GMDS: variants seen among roughly 807,000 people sequenced by gnomAD.
GMDS encodes the protein GDP-mannose 4,6-dehydratase, also known as GDP-mannose 4,6 dehydratase.
GMDS carries 20 observed loss-of-function variants against 49.9 expected under a neutral mutation model. The ratio of observed to expected loss-of-function variants is 0.40; its 90% CI spans 0.28 to 0.58. The LOEUF (loss-of-function observed/expected upper bound fraction) is 0.58, where lower values mean the gene tolerates loss of function less well. Ranked by LOEUF, GMDS falls within the 20% of genes least tolerant of loss-of-function variation. GMDS has a pLI of 0.42. For synonymous variants in GMDS, 177 were observed against 178.6 expected, an observed-to-expected ratio of 0.99 and a Z score of 0.07; for missense variants, 362 against 481.4, an observed-to-expected ratio of 0.75 and a Z score of 2.32.
intron 4 of GMDS, among the ~76,000 whole-genome samples, chr6:1,992,510 T>C (rs1766013026): frequency 6.6e-6 from 1 of 152,168 alleles, no homozygotes. Flanking sequence ...CCTAGGGGCT[T>C]TGCAGCACCT....
intron 7 of GMDS, among the ~76,000 whole-genome samples, chr6:1,785,597 C>T (rs1252378407): frequency 3.3e-5 from 5 of 152,192 alleles, no homozygotes; most frequent in South Asian, 4.1e-4. Context: ...CTAGATCCCA[C>T]GAGAGCAAGT....
At chr6:2,167,670 A>G (rs1490336177) in intron 1 of GMDS, among the ~76,000 whole-genome samples, 5 of 151,838 alleles carry the variant, frequency 3.3e-5, no homozygotes, top group African/African-American at 7.3e-5. Context: ...CTTTACATGC[A>G]GCTTCTTCCT....
chr6:1,642,998 C>A (rs1405311797), intron 9 of GMDS, among the ~76,000 whole-genome samples: 1 of 152,190 alleles, frequency 6.6e-6, no homozygotes, highest in Non-Finnish European at 1.5e-5. Flanking sequence ...GTTAACACAA[C>A]CACATCATGA....
At chr6:1,697,717 T>G (rs1765393415) in intron 9 of GMDS, among the ~76,000 whole-genome samples, 1 of 152,234 alleles carries the variant, frequency 6.6e-6, no homozygotes, top group Admixed American at 6.5e-5. Context: ...ATGAGCCTTC[T>G]GGGTGTTTCT....
At chr6:1,985,640 T>C (rs1765500095) in intron 4 of GMDS, among the ~76,000 whole-genome samples, 1 of 151,948 alleles carries the variant, frequency 6.6e-6, no homozygotes, top group African/African-American at 2.4e-5. Flanking sequence ...ATTCTGGAAA[T>C]AAAACATTCA....
intron 7 of GMDS, among the ~76,000 whole-genome samples, chr6:1,849,943 C>T (rs937913434): frequency 2.6e-5 from 4 of 152,112 alleles, no homozygotes; most frequent in Non-Finnish European, 5.9e-5. Context: ...GTTCGTTTTT[C>T]AAAATAAGGA....
chr6:1,660,037 G>A (rs1413139347), intron 9 of GMDS, among the ~76,000 whole-genome samples: 5 of 152,180 alleles, frequency 3.3e-5, no homozygotes, highest in East Asian at 3.9e-4. Context: ...CCCTGCATGC[G>A]TCACGTGGCT....
At chr6:2,150,114 A>G (rs1776773843) in intron 1 of GMDS, among the ~76,000 whole-genome samples, 1 of 152,122 alleles carries the variant, frequency 6.6e-6, no homozygotes, top group South Asian at 2.1e-4. Flanking sequence ...CACTCATTCC[A>G]TCTAGTACGT....
intron 1 of GMDS, among the ~76,000 whole-genome samples, chr6:2,133,873 G>A (rs1775863583): frequency 6.6e-6 from 1 of 152,178 alleles, no homozygotes; most frequent in Non-Finnish European, 1.5e-5. Flanking sequence ...CGGAGGCAAG[G>A]AGAGCTCCAA....
At chr6:1,872,335 T>A (rs1758803489) in intron 7 of GMDS, among the ~76,000 whole-genome samples, 1 of 152,232 alleles carries the variant, frequency 6.6e-6, no homozygotes, top group Admixed American at 6.5e-5. Context: ...ATTTCTATTC[T>A]TTTGCCTATG....
At chr6:1,734,532 T>G (rs1258439688) in intron 8 of GMDS, among the ~76,000 whole-genome samples, 5 of 152,244 alleles carry the variant, frequency 3.3e-5, no homozygotes, top group Non-Finnish European at 5.9e-5. Flanking sequence ...CAAGCCAGGC[T>G]TCTGGGCTGC....
At chr6:1,894,599 T>C (rs969847613) in intron 7 of GMDS, among the ~76,000 whole-genome samples, 1 of 152,212 alleles carries the variant, frequency 6.6e-6, no homozygotes, top group Non-Finnish European at 1.5e-5. Flanking sequence ...TCTTATTACA[T>C]AGAGAGTGAG....
chr6:1,908,377 T>C (rs1760884560), intron 7 of GMDS, among the ~76,000 whole-genome samples: 1 of 152,230 alleles, frequency 6.6e-6, no homozygotes, highest in Admixed American at 6.5e-5. Context: ...CCATTCTTTG[T>C]AGGTTCCTTT....
chr6:2,119,364 T>C (rs977132434), intron 2 of GMDS, among the ~76,000 whole-genome samples: 2 of 152,134 alleles, frequency 1.3e-5, no homozygotes, highest in African/African-American at 4.8e-5. Flanking sequence ...ACATTAAAAA[T>C]CAAAAGCATT....
chr6:2,052,131 GA>G lies in GMDS; in HGVS notation c.345+63639del, dbSNP rs576035823. On this transcript the variant is annotated intron_variant, in intron 4 of 10. Transcript: ENST00000380815. ...GACTCTGTCTCAAAAAAAAAAAAAA[GA>G]AAAAAAAAAAACAGAAAAGAAAAAT... Among the ~76,000 whole-genome samples, 146 of 99,656 alleles carry G rather than the reference GA, an allele frequency of 1.5e-3. 4 individuals are homozygous for G. Among genetic ancestry groups the G allele is most frequent in the Middle Eastern group, 5.2e-3 (1 of 194 alleles). 65.4% of individuals were successfully genotyped at this position (99,656 alleles called of 152,430 possible).
chr6:2,156,840 T>C (rs1182437617), intron 1 of GMDS, among the ~76,000 whole-genome samples: 1 of 152,200 alleles, frequency 6.6e-6, no homozygotes, highest in East Asian at 1.9e-4. Context: ...CTTTCTTCAA[T>C]GTTCTGTTAA....
chr6:1,732,659 G>A (rs1275557978), intron 8 of GMDS, among the ~76,000 whole-genome samples: 1 of 152,194 alleles, frequency 6.6e-6, no homozygotes, highest in Non-Finnish European at 1.5e-5. Flanking sequence ...AAATAAGACA[G>A]TGTACCACAG....
At chr6:2,142,661 T>C (rs949578719) in intron 1 of GMDS, among the ~76,000 whole-genome samples, 4 of 152,184 alleles carry the variant, frequency 2.6e-5, no homozygotes, top group Non-Finnish European at 5.9e-5. Context: ...TAAGTTTCAG[T>C]TGCTTGAACC....
chr6:2,237,518 C>CTTTTT (rs397885506), intron 1 of GMDS, among the ~76,000 whole-genome samples: 5 of 125,872 alleles, frequency 4.0e-5, no homozygotes, highest in Non-Finnish European at 6.6e-5. Flanking sequence ...TTGGAAGTAC[C>CTTTTT]TTTTTTTTTT....
Sources: gnomAD v4.1 joint callset for allele counts (sites outside exome capture counted in the v4.1 genomes callset) on GRCh38, gnomAD v4.1.1 for gene constraint, MANE v1.5 for transcripts, NCBI Gene and HGNC (gene_info 2026-07-23, HGNC 2026-07-21) for gene names.